Variants in RBFOX1 observed in about 807,000 individuals in gnomAD.
RBFOX1 encodes the protein RNA binding protein fox-1 homolog 1.
A neutral mutation model predicts 57.7 loss-of-function variants in RBFOX1; 8 were observed. The observed-to-expected ratio is 0.14, with a 90% CI of 0.08 to 0.25. The LOEUF (loss-of-function observed/expected upper bound fraction) is 0.25, where lower values mean the gene tolerates loss of function less well. Ranked by LOEUF, RBFOX1 falls within the 10% of genes least tolerant of loss-of-function variation. The pLI is 1.00. For missense variants in RBFOX1, 611 were observed against 548.5 expected, an observed-to-expected ratio of 1.11 and a Z score of -1.14; for synonymous variants, 326 against 222.4, an observed-to-expected ratio of 1.47 and a Z score of -4.15.
chr16:5,390,027 C>T (rs1254792839), intron 1 of RBFOX1, among the ~76,000 whole-genome samples: 2 of 151,990 alleles, frequency 1.3e-5, no homozygotes, highest in South Asian at 4.1e-4. Context: ...TAGGGCTGTA[C>T]TTTCCATTTT....
At chr16:7,692,457 G>C (rs961899702) in intron 14 of RBFOX1, among the ~76,000 whole-genome samples, 1 of 152,100 alleles carries the variant, frequency 6.6e-6, no homozygotes, top group Non-Finnish European at 1.5e-5. Context: ...GAAGAAAAAT[G>C]CATTTATCTT....
At chr16:5,614,587 A>G (rs554615080) in intron 3 of RBFOX1, among the ~76,000 whole-genome samples, 1 of 152,158 alleles carries the variant, frequency 6.6e-6, no homozygotes, top group African/African-American at 2.4e-5. Flanking sequence ...AAGGCTCTTC[A>G]GAGGTATATT....
chr16:6,727,463 A>C (rs755603122), intron 3 of RBFOX1, among the ~76,000 whole-genome samples: 1 of 151,574 alleles, frequency 6.6e-6, no homozygotes, highest in African/African-American at 2.4e-5. Context: ...TTCCACCTAC[A>C]CCAGATGAAG....
At chr16:6,839,429 C>A (rs1053959463) in intron 3 of RBFOX1, among the ~76,000 whole-genome samples, 1 of 152,206 alleles carries the variant, frequency 6.6e-6, no homozygotes, top group Non-Finnish European at 1.5e-5. Context: ...ACTCAATAAA[C>A]ACCCTGAAAT....
At chr16:5,723,967 T>C (rs2052034321) in intron 3 of RBFOX1, among the ~76,000 whole-genome samples, 1 of 152,148 alleles carries the variant, frequency 6.6e-6, no homozygotes, top group South Asian at 2.1e-4. Flanking sequence ...TTGAAAAATG[T>C]TTTGGAGTGG....
At chr16:7,391,572 C>A (rs1342547284) in intron 4 of RBFOX1, among the ~76,000 whole-genome samples, 2 of 152,182 alleles carry the variant, frequency 1.3e-5, no homozygotes, top group African/African-American at 4.8e-5. Context: ...TGGTTAAGTA[C>A]CTTTACTGTA....
At chr16:5,578,762 A>G (rs1043610443) in intron 2 of RBFOX1, among the ~76,000 whole-genome samples, 2 of 152,038 alleles carry the variant, frequency 1.3e-5, no homozygotes, top group East Asian at 1.9e-4. Context: ...GAAGATAAAA[A>G]TATCTCCACC....
intron 2 of RBFOX1, among the ~76,000 whole-genome samples, chr16:6,367,263 G>GTTTTC (rs565148221): frequency 1.3e-4 from 20 of 151,230 alleles, no homozygotes; most frequent in African/African-American, 4.7e-4. Context: ...TGTTTGTTTT[G>GTTTTC]TTTTGTTTTG....
At chr16:7,306,756 A>T (rs958359685) in intron 4 of RBFOX1, among the ~76,000 whole-genome samples, 4 of 152,158 alleles carry the variant, frequency 2.6e-5, no homozygotes, top group African/African-American at 9.7e-5. Flanking sequence ...CCTGGCCATT[A>T]CTGTCGTGAT....
chr16:7,664,470 C>A (rs2068646787), intron 12 of RBFOX1, among the ~76,000 whole-genome samples: 3 of 152,166 alleles, frequency 2.0e-5, no homozygotes. Context: ...AGCTCTAGCC[C>A]ATACTGAGAA....
At chr16:7,352,512 T>C (rs893624438) in intron 4 of RBFOX1, among the ~76,000 whole-genome samples, 1 of 152,168 alleles carries the variant, frequency 6.6e-6, no homozygotes, top group African/African-American at 2.4e-5. Context: ...TACTCCGGGC[T>C]GCCCATCACT....
intron 4 of RBFOX1, among the ~76,000 whole-genome samples, chr16:5,905,803 A>T (rs1039787854): frequency 7.2e-5 from 11 of 152,198 alleles, no homozygotes. Flanking sequence ...CTGAAGGGTG[A>T]GAAAACTGAT....
intron 4 of RBFOX1, among the ~76,000 whole-genome samples, chr16:7,242,979 C>T (rs1354080623): frequency 1.3e-5 from 2 of 152,106 alleles, no homozygotes; most frequent in East Asian, 3.8e-4. Flanking sequence ...TTGTTCTCTT[C>T]CTCCTCCTCC....
chr16:7,502,888 T>G (rs1012106508), intron 4 of RBFOX1, among the ~76,000 whole-genome samples: 5 of 152,064 alleles, frequency 3.3e-5, no homozygotes, highest in African/African-American at 1.2e-4. Context: ...CCAAGTGTGG[T>G]GGCAGGTGCC....
At chr16:5,534,708 G>A (rs941716305) in intron 2 of RBFOX1, among the ~76,000 whole-genome samples, 2 of 152,088 alleles carry the variant, frequency 1.3e-5, no homozygotes, top group Admixed American at 6.5e-5. Context: ...ACTGACTCAC[G>A]TGTTAACCTT....
chr16:7,517,010 A>G (rs1352442880), intron 4 of RBFOX1, among the ~76,000 whole-genome samples: 1 of 152,110 alleles, frequency 6.6e-6, no homozygotes, highest in African/African-American at 2.4e-5. Context: ...GACCACAGAC[A>G]ATAGGAGAGG....
At chr16:5,862,867 G>C (rs1195998867) in intron 3 of RBFOX1, among the ~76,000 whole-genome samples, 1 of 152,158 alleles carries the variant, frequency 6.6e-6, no homozygotes, top group Non-Finnish European at 1.5e-5. Flanking sequence ...TGCAGCATCA[G>C]AGCCCCAGAC....
intron 3 of RBFOX1, among the ~76,000 whole-genome samples, chr16:5,673,702 T>A (rs560537465): frequency 4.8e-4 from 73 of 152,332 alleles, no homozygotes; most frequent in Non-Finnish European, 8.5e-4. Context: ...TCTAGCTACT[T>A]ATTGTGGCAT....
intron 3 of RBFOX1, among the ~76,000 whole-genome samples, chr16:5,775,425 G>A (rs1038825037): frequency 1.3e-5 from 2 of 152,212 alleles, no homozygotes; most frequent in Non-Finnish European, 2.9e-5. Flanking sequence ...ATGCAAGCCA[G>A]GCTAGGACTG....
Sources: allele counts gnomAD v4.1 joint callset (sites outside exome capture counted in the v4.1 genomes callset), GRCh38; gene constraint gnomAD v4.1.1; transcripts MANE v1.5; gene names NCBI Gene and HGNC (gene_info 2026-07-23, HGNC 2026-07-21).